The following TNPO1 variants were observed in gnomAD, a reference collection of about 807,000 sequenced individuals.
TNPO1 encodes transportin 1.
In TNPO1, 8 loss-of-function variants were observed where a neutral mutation model predicts 119.5. The observed-to-expected ratio is 0.07, with a 90% CI of 0.04 to 0.12. The LOEUF (loss-of-function observed/expected upper bound fraction) is 0.12, where lower values mean the gene tolerates loss of function less well. Among genes scored for constraint, TNPO1 ranks in the 10% least tolerant of loss-of-function variants. The pLI, the probability that TNPO1 is intolerant of heterozygous loss-of-function variation, is 1.00. For missense variants in TNPO1, 576 were observed against 1,089.8 expected (o/e 0.53, Z 6.64); for synonymous variants, 362 against 363.0 (o/e 1.00, Z 0.03).
At chr5:72,877,115 A>G (rs1747852669) in intron 8 of TNPO1, 113 bp from the exon 9 acceptor site, 1 of 509,064 alleles carries the variant, frequency 2.0e-6, no homozygotes, top group African/African-American at 2.0e-5. Flanking sequence ...AAAAAAAAAA[A>G]AATTGCCTAG....
At chr5:72,894,474 A>T (rs1561354401) in intron 18 of TNPO1, among the ~76,000 whole-genome samples, 1 of 152,232 alleles carries the variant, frequency 6.6e-6, no homozygotes, top group Non-Finnish European at 1.5e-5. Context: ...GATCAAGACC[A>T]TCCTGGCTAA....
At chr5:72,865,367 G>A (rs935157032) in intron 5 of TNPO1, among the ~76,000 whole-genome samples, 5 of 151,318 alleles carry the variant, frequency 3.3e-5, no homozygotes, top group South Asian at 2.1e-4. Flanking sequence ...ACTTGAACCC[G>A]GGAGGCAGAA....
intron 9 of TNPO1, among the ~76,000 whole-genome samples, chr5:72,881,135 G>T (rs149470573): frequency 6.7e-4 from 102 of 151,874 alleles, no homozygotes; most frequent in African/African-American, 2.4e-3. Context: ...TTTTGAGATG[G>T]AGTCGCACTC....
At chr5:72,874,451 C>A (rs1747622997) in intron 7 of TNPO1, among the ~76,000 whole-genome samples, 1 of 151,930 alleles carries the variant, frequency 6.6e-6, no homozygotes, top group African/African-American at 2.4e-5. Context: ...ATTGGGTATC[C>A]CCACCCCCAA....
chr5:72,864,379 T>G (rs1318686296), intron 5 of TNPO1, among the ~76,000 whole-genome samples: 2 of 152,180 alleles, frequency 1.3e-5, no homozygotes, highest in East Asian at 1.9e-4. Flanking sequence ...AGAATAAGCA[T>G]CAAGTTGCCG....
chr5:72,837,125 A>G (rs1744720868), intron 1 of TNPO1, among the ~76,000 whole-genome samples: 1 of 152,118 alleles, frequency 6.6e-6, no homozygotes, highest in Non-Finnish European at 1.5e-5. Flanking sequence ...GGTATTTCTT[A>G]TAGTAGCACC....
In TNPO1 at chr5:72,906,275, CTTTTT is replaced by C. The variant is rs869051297; in HGVS notation, c.*35+864_*35+868del. ...CCATGTGCCCATCACTTTTTTTTTTCTTTTTTTTTTTTTTTTTTTTTTTTTTTTTT... is the reference window on the plus strand; with the variant it reads ...CCATGTGCCCATCACTTTTTTTTTTCTTTTTTTTTTTTTTTTTTTTTTTTT... On this transcript the variant is annotated intron_variant, in intron 24 of 24. Transcript: ENST00000337273. Among the ~76,000 whole-genome samples, 37 of 54,690 alleles carry C rather than the reference CTTTTT, an allele frequency of 6.8e-4. 4 individuals are homozygous for C. The highest frequency in any genetic ancestry group is 1.4e-3 in the Admixed American group (5 of 3,684). 35.9% of individuals were successfully genotyped at this position (54,690 alleles called of 152,430 possible). A position where few individuals can be genotyped will look rare whatever the true frequency, so the allele number is the denominator to read the frequency against.
chr5:72,900,008 A>G lies in TNPO1; in HGVS notation c.2341A>G (p.Ile781Val), dbSNP rs368568556. ...TPKTLLENTA[I>V]TIGRLGYVCP... ...TAACCGTGATTGCGTTACCTTAGCA[A>G]TAACAATTGGTCGTCTTGGTTACGT... The change falls in exon 21 of 25, where the codon ATA becomes GTA. Residue 781 changes from isoleucine (I) to valine (V), a missense_variant and splice_region_variant. By Grantham distance (29) the Ile-to-Val change is conservative. Transcript: ENST00000337273. 3 of 1,613,752 alleles carry G rather than the reference A, an allele frequency of 1.9e-6. No homozygotes were observed. Among genetic ancestry groups the G allele is most frequent in the Non-Finnish European group, 2.5e-6 (3 of 1,179,876 alleles).
rs1019161132 is a variant in TNPO1, at chr5:72,839,769, A to C, written c.16-8616A>C. ...GGAGCAGATATATTAATTTAATATAATGGTTCTCAACTGGCTATAAGTTCC... is the reference window on the plus strand; with the variant it reads ...GGAGCAGATATATTAATTTAATATACTGGTTCTCAACTGGCTATAAGTTCC... On this transcript the variant is annotated intron_variant, in intron 1 of 24. Coordinates refer to ENST00000337273, the MANE Select transcript of TNPO1 (RefSeq NM_002270.4). Among the ~76,000 whole-genome samples the C allele has an allele frequency of 4.6e-5, 7 of 152,296 alleles. No homozygotes were observed. In the East Asian group the frequency reaches 9.6e-4, roughly 21 times the overall value.
intron 2 of TNPO1, among the ~76,000 whole-genome samples, chr5:72,849,818 A>G (rs1745412810): frequency 6.6e-6 from 1 of 152,158 alleles, no homozygotes; most frequent in African/African-American, 2.4e-5. Flanking sequence ...AGTTCTAGGG[A>G]TGATAGAAGT....
In TNPO1 at chr5:72,901,099, T is replaced by G. The variant is rs771261024; in HGVS notation, c.2514+26T>G. On this transcript the variant is annotated intron_variant, in intron 22 of 24. Transcript: ENST00000337273. ...GTAAGATGTTCACAAAGATTTGTTT[T>G]TAATGTCTAATTAATAAAATTTTAA... is the stretch of plus-strand genomic sequence containing the variant. 5 of 1,470,100 alleles carry G rather than the reference T, an allele frequency of 3.4e-6. No homozygotes were observed. In the African/African-American group the frequency reaches 4.2e-5, roughly 12 times the overall value. The allele number at this position is 1,470,100 out of a possible 1,614,324, so 91.1% of individuals were successfully genotyped here.
chr5:72,842,302 A>G (rs1248076237), intron 1 of TNPO1, among the ~76,000 whole-genome samples: 1 of 151,602 alleles, frequency 6.6e-6, no homozygotes, highest in Admixed American at 6.5e-5. Flanking sequence ...GCAGTATATC[A>G]GGGGCTTCCA....
At chr5:72,882,158 A>C (rs899199354) in intron 9 of TNPO1, among the ~76,000 whole-genome samples, 4 of 152,172 alleles carry the variant, frequency 2.6e-5, no homozygotes, top group African/African-American at 7.2e-5. Context: ...TACCTAGTTA[A>C]ATTATGCTAG....
chr5:72,861,578 A>AT (rs1359004119), intron 4 of TNPO1, among the ~76,000 whole-genome samples: 1 of 151,956 alleles, frequency 6.6e-6, no homozygotes, highest in African/African-American at 2.4e-5. Context: ...ATTTTCTTGT[A>AT]TTTTTAGTAG....
chr5:72,823,797 A>G (rs1369349668), intron 1 of TNPO1, among the ~76,000 whole-genome samples: 1 of 152,152 alleles, frequency 6.6e-6, no homozygotes, highest in Non-Finnish European at 1.5e-5. Flanking sequence ...CAGAAAAAAA[A>G]CCACACAACC....
chr5:72,869,591 G>A (rs948695418), intron 6 of TNPO1, among the ~76,000 whole-genome samples: 12 of 152,094 alleles, frequency 7.9e-5, no homozygotes, highest in African/African-American at 2.9e-4. Flanking sequence ...AATATGAGTT[G>A]AAGAAAGGCT....
chr5:72,882,547 G>T lies in TNPO1; in HGVS notation c.981+20G>T. The T allele has an allele frequency of 6.4e-7, 1 of 1,572,182 alleles. No individual in the cohort carries two copies. Among genetic ancestry groups the T allele is most frequent in the South Asian group, 1.2e-5 (1 of 86,364 alleles). ...CTTAAGGTAAGGAAGCTTTTTTGAT[G>T]AATAGGGAACAAGATTTTTATATTG... On this transcript the variant is annotated intron_variant, in intron 10 of 24. Coordinates refer to ENST00000337273, the MANE Select transcript of TNPO1 (RefSeq NM_002270.4).
chr5:72,872,291 A>G (rs913549963), intron 6 of TNPO1, among the ~76,000 whole-genome samples: 1 of 152,186 alleles, frequency 6.6e-6, no homozygotes, highest in Admixed American at 6.5e-5. Flanking sequence ...TTTTAGTTTC[A>G]AAAGGAATGT....
intron 4 of TNPO1, among the ~76,000 whole-genome samples, chr5:72,856,530 G>A (rs1746014560): frequency 8.8e-6 from 1 of 113,732 alleles, no homozygotes; most frequent in African/African-American, 3.2e-5. Flanking sequence ...ATGGCGCCTG[G>A]CTTGGAGTTC....
Sources: allele counts gnomAD v4.1 joint callset (sites outside exome capture counted in the v4.1 genomes callset), GRCh38; gene constraint gnomAD v4.1.1; transcripts MANE v1.5; gene names NCBI Gene and HGNC (gene_info 2026-07-23, HGNC 2026-07-21).